The following NQO2 variants were observed in gnomAD, a reference collection of about 807,000 sequenced individuals.
NQO2 encodes the protein ribosyldihydronicotinamide dehydrogenase [quinone].
A neutral mutation model predicts 22.0 loss-of-function variants in NQO2; 18 were observed. The observed-to-expected ratio is 0.82, with a 90% CI of 0.56 to 1.21. The LOEUF is 1.21. NQO2 is among the 50% of genes most tolerant of loss of function. The pLI is 0.00. For synonymous variants in NQO2, 106 were observed against 110.8 expected, an observed-to-expected ratio of 0.96 and a Z score of 0.28; for missense variants, 267 against 286.9, an observed-to-expected ratio of 0.93 and a Z score of 0.50.
intron 3 of NQO2, among the ~76,000 whole-genome samples, chr6:3,010,914 C>T (rs1200866936): frequency 6.6e-5 from 10 of 150,968 alleles, no homozygotes; most frequent in Admixed American, 6.6e-4. Context: ...GCATAAACCA[C>T]CATCTAGTGC....
chr6:3,012,892 A>G (rs986798737), intron 4 of NQO2, among the ~76,000 whole-genome samples: 1 of 150,022 alleles, frequency 6.7e-6, no homozygotes, highest in Non-Finnish European at 1.5e-5. Flanking sequence ...CCTAGTTACA[A>G]CACTTCATCT....
At chr6:3,015,075 A>G (rs1439090542) in intron 4 of NQO2, 3 of 1,289,968 alleles carry the variant, frequency 2.3e-6, no homozygotes, top group Non-Finnish European at 1.0e-6. Context: ...GGTCTAAGGA[A>G]TACAAACATG....
intron 1 of NQO2, chr6:3,005,823 T>C (rs547049802): frequency 1.0e-6 from 1 of 985,230 alleles, no homozygotes; most frequent in South Asian, 4.7e-5. Context: ...GCTGTGACTT[T>C]GTTGATGAGG....
intron 2 of NQO2, among the ~76,000 whole-genome samples, chr6:3,009,099 T>C (rs1444626509): frequency 6.6e-6 from 1 of 152,186 alleles, no homozygotes; most frequent in Non-Finnish European, 1.5e-5. Flanking sequence ...TTAATAAGCC[T>C]GGGAGCGCTA....
At chr6:3,004,421 C>G (rs1756863067) in intron 1 of NQO2, 6 of 985,600 alleles carry the variant, frequency 6.1e-6, no homozygotes, top group Non-Finnish European at 6.0e-6. Flanking sequence ...GTGCCCCACT[C>G]TGTTAAGTCC....
intron 6 of NQO2, among the ~76,000 whole-genome samples, chr6:3,018,625 G>T (rs916548277): frequency 6.6e-5 from 10 of 152,126 alleles, no homozygotes; most frequent in Admixed American, 2.0e-4. Context: ...TGAGGGTGTG[G>T]GTTTTAAAGG....
rs544340876 is a variant in NQO2 at position 3,015,244 on chromosome 6, G to A, written c.304-286G>A. 132 of 1,408,466 alleles carry A rather than the reference G, an allele frequency of 9.4e-5. No individual in the cohort carries two copies. The African/African-American group carries it at 1.3e-3, about 13-fold the overall frequency. The allele number at this position is 1,408,466 out of a possible 1,614,324, so 87.2% of individuals were successfully genotyped here. A position where few individuals can be genotyped will look rare whatever the true frequency, so the allele number is the denominator to read the frequency against. ...ACTGCTGCTCCAAAGCTGGTGTTAC[G>A]CACAGCTCCTCGTCCCCTCCCTGCC... On this transcript the variant is annotated intron_variant, in intron 4 of 6. Transcript: ENST00000380455.
Position 3,006,804 on chromosome 6 carries a change from G to C in NQO2, c.7+245G>C. ...TCTCACTTGTTTCATTGTTCCTTTC[G>C]ACTCCCTCCAGAATTTAGGTTCCTC... On this transcript the variant is annotated intron_variant, in intron 2 of 6. Coordinates refer to ENST00000380455, the MANE Select transcript of NQO2 (RefSeq NM_000904.6). The surrounding 1 kb of genome is among the most constrained non-coding windows in gnomAD (Gnocchi z 4.0). The C allele has an allele frequency of 6.5e-6, 3 of 463,538 alleles. No individual in the cohort carries two copies. The highest frequency in any genetic ancestry group is 1.1e-5 in the Non-Finnish European group (3 of 266,352). The allele number at this position is 463,538 out of a possible 1,614,324, so 28.7% of individuals were successfully genotyped here.
chr6:3,004,148 T>G (rs1170172840), intron 1 of NQO2: 1 of 201,688 alleles, frequency 5.0e-6, no homozygotes, highest in Non-Finnish European at 8.8e-6. Flanking sequence ...GGGTATTTCT[T>G]GGAAGCCCCG....
At chr6:3,002,923 T>A (rs1428005056) in intron 1 of NQO2, among the ~76,000 whole-genome samples, 1 of 152,096 alleles carries the variant, frequency 6.6e-6, no homozygotes, top group East Asian at 1.9e-4. Flanking sequence ...CTGGCTAATT[T>A]TTAAAAATCT....
chr6:3,003,321 A>G (rs1269564575), intron 1 of NQO2, among the ~76,000 whole-genome samples: 2 of 151,288 alleles, frequency 1.3e-5, no homozygotes, highest in African/African-American at 4.9e-5. Flanking sequence ...GGCTTTGAGG[A>G]GTGACCCCCA....
chr6:3,015,479 A>T (rs751915987), intron 4 of NQO2, 51 bp from the exon 5 acceptor site: 4 of 1,596,688 alleles, frequency 2.5e-6, no homozygotes, highest in Middle Eastern at 1.7e-4. Flanking sequence ...TAAACTAGGA[A>T]ACCTGAGGCG....
intron 4 of NQO2, among the ~76,000 whole-genome samples, chr6:3,012,944 TAC>T (rs1757190669): frequency 8.2e-6 from 1 of 122,306 alleles, no homozygotes; most frequent in Non-Finnish European, 1.7e-5. Flanking sequence ...GATGTAACAC[TAC>T]TTTTTTTTTT....
At chr6:3,007,033 G>A (rs1262376423) in intron 2 of NQO2, 3 of 396,604 alleles carry the variant, frequency 7.6e-6, no homozygotes, top group African/African-American at 2.1e-5. Flanking sequence ...TTCACCTAAC[G>A]ATATAACATG....
At chr6:3,002,773 C>T (rs1385325296) in intron 1 of NQO2, among the ~76,000 whole-genome samples, 8 of 152,094 alleles carry the variant, frequency 5.3e-5, no homozygotes, top group African/African-American at 1.7e-4. Context: ...CACAGTTCAG[C>T]CAAACAGGCT....
At chr6:3,011,225 G>T (rs4275101) in intron 3 of NQO2, among the ~76,000 whole-genome samples, 5,673 of 152,200 alleles carry the variant, frequency 0.037, 121 homozygotes, top group African/African-American at 0.055. Flanking sequence ...CAGAAAAGCA[G>T]TTCAGAAATT....
chr6:3,010,173 A>G lies in NQO2; in HGVS notation c.156A>G (p.Thr52=), dbSNP rs140937788. 1 of 1,611,364 alleles carries G rather than the reference A, an allele frequency of 6.2e-7. No homozygotes were observed. ...CCATGAACCTTGAGCCGAGGGCCAC[A>G]GACAAAGATATCACTGGTGAGTCAT... ...LYAMNLEPRA[T]DKDITGTLSN... Residue 52 remains threonine, a synonymous_variant, in exon 3 of 7, where the codon ACA becomes ACG. Coordinates refer to ENST00000380455, the MANE Select transcript of NQO2 (RefSeq NM_000904.6).
intron 2 of NQO2, among the ~76,000 whole-genome samples, chr6:3,007,319 C>A (rs968014554): frequency 1.6e-4 from 24 of 152,178 alleles, no homozygotes; most frequent in Non-Finnish European, 4.4e-5. Context: ...CAGTTGAGAA[C>A]CATTGGTGTA....
Position 3,019,497 on chromosome 6 carries a change from T to C in NQO2, c.538T>C (p.Cys180Arg). The C allele has an allele frequency of 3.1e-6, 5 of 1,614,026 alleles. No individual in the cohort carries two copies. The highest frequency in any genetic ancestry group is 4.2e-6 in the Non-Finnish European group (5 of 1,179,938). The change falls in exon 7 of 7, where the codon TGT becomes CGT. Residue 180 changes from cysteine (C) to arginine (R), a missense_variant. Cys to Arg is a radical substitution (Grantham distance 180, BLOSUM62 -3). Coordinates refer to ENST00000380455, the MANE Select transcript of NQO2 (RefSeq NM_000904.6). ...GCTTTAGCATGGCACATTACACTTC[T>C]GTGGATTTAAAGTCCTTGCCCCTCA... is the stretch of plus-strand genomic sequence containing the variant. Reference protein sequence around the residue: ...WPLQHGTLHFCGFKVLAPQIS... With the variant: ...WPLQHGTLHFRGFKVLAPQIS...
Sources: allele counts gnomAD v4.1 joint callset (sites outside exome capture counted in the v4.1 genomes callset), GRCh38; gene constraint gnomAD v4.1.1; non-coding constraint Gnocchi (gnomAD v3.1); transcripts MANE v1.5; gene names NCBI Gene and HGNC (gene_info 2026-07-23, HGNC 2026-07-21).